SH3RF2: variants seen among roughly 807,000 people sequenced by gnomAD.
SH3RF2 encodes SH3 domain containing ring finger 2, also known as E3 ubiquitin-protein ligase SH3RF2.
A neutral mutation model predicts 59.0 loss-of-function variants in SH3RF2; 43 were observed. That is an observed-to-expected ratio of 0.73 (90% CI 0.57 to 0.94). The LOEUF (loss-of-function observed/expected upper bound fraction) is 0.94, where lower values mean the gene tolerates loss of function less well. Ranked by LOEUF, SH3RF2 falls within the 40% of genes least tolerant of loss-of-function variation. SH3RF2 has a pLI of 0.00. For synonymous variants in SH3RF2, 391 were observed against 391.5 expected, an observed-to-expected ratio of 1.00 and a Z score of 0.01; for missense variants, 930 against 940.1, an observed-to-expected ratio of 0.99 and a Z score of 0.14.
chr5:145,979,095 A>T (rs1171859066), intron 2 of SH3RF2, among the ~76,000 whole-genome samples: 1 of 152,200 alleles, frequency 6.6e-6, no homozygotes, highest in African/African-American at 2.4e-5. Flanking sequence ...CCTAAGTAAG[A>T]TTATGGCAAG....
downstream of SH3RF2, among the ~76,000 whole-genome samples, chr5:146,066,412 T>TA (rs1763107623): frequency 6.6e-6 from 1 of 152,184 alleles, no homozygotes; most frequent in Non-Finnish European, 1.5e-5. Context: ...AATGGGCTAT[T>TA]ATGAGGATTA....
At chr5:145,975,953 A>T (rs1413090560) in intron 2 of SH3RF2, among the ~76,000 whole-genome samples, 4 of 152,248 alleles carry the variant, frequency 2.6e-5, no homozygotes, top group Admixed American at 2.6e-4. Flanking sequence ...TACTTACAGT[A>T]GGCACTCAAT....
chr5:146,061,985 T>C (rs548585292), intron 9 of SH3RF2, among the ~76,000 whole-genome samples: 16 of 152,286 alleles, frequency 1.1e-4, no homozygotes, highest in African/African-American at 3.9e-4. Context: ...AAGGCCATTA[T>C]GGAAATCTCT....
At chr5:146,034,289 T>C (rs13157647) in intron 5 of SH3RF2, among the ~76,000 whole-genome samples, 50,370 of 152,140 alleles carry the variant, frequency 0.33, 8,851 homozygotes, top group Non-Finnish European at 0.39. Flanking sequence ...GTGTGGCTCA[T>C]GCAGTGATGG....
At chr5:145,993,886 G>T (rs758328112) in intron 2 of SH3RF2, among the ~76,000 whole-genome samples, 1 of 152,168 alleles carries the variant, frequency 6.6e-6, no homozygotes, top group Non-Finnish European at 1.5e-5. Context: ...AGCCTGCAGC[G>T]GGCTTCAATT....
chr5:145,968,115 C>CAG (rs1758936095), intron 2 of SH3RF2, among the ~76,000 whole-genome samples: 1 of 152,166 alleles, frequency 6.6e-6, no homozygotes, highest in South Asian at 2.1e-4. Flanking sequence ...TCAGATTCTC[C>CAG]AGAGGGTCCA....
At chr5:146,079,930 T>C (rs1049368167) in exon 10 of SH3RF2, 1 of 152,238 alleles carries the variant, frequency 6.6e-6, no homozygotes, top group Non-Finnish European at 1.5e-5. Flanking sequence ...GCCTTACAAT[T>C]GAGCAATAGG....
At chr5:145,992,305 T>C (rs1053962582) in intron 2 of SH3RF2, among the ~76,000 whole-genome samples, 3 of 151,816 alleles carry the variant, frequency 2.0e-5, no homozygotes, top group African/African-American at 7.3e-5. Context: ...ACCTGGGAGG[T>C]TGAGGCTACA....
At chr5:146,018,020 T>C (rs1341515383) in intron 5 of SH3RF2, among the ~76,000 whole-genome samples, 1 of 152,220 alleles carries the variant, frequency 6.6e-6, no homozygotes, top group East Asian at 1.9e-4. Context: ...AGAGTAGGTA[T>C]TGGTATGCTC....
intron 8 of SH3RF2, 168 bp downstream of exon 8, chr5:146,056,381 C>A: frequency 8.3e-7 from 1 of 1,197,854 alleles, no homozygotes; most frequent in Non-Finnish European, 1.1e-6. Flanking sequence ...TGAAGTCATA[C>A]CAACTCAAGG....
chr5:145,978,404 T>C (rs1032786970), intron 2 of SH3RF2, among the ~76,000 whole-genome samples: 1 of 152,194 alleles, frequency 6.6e-6, no homozygotes, highest in African/African-American at 2.4e-5. Flanking sequence ...CTAGCTTCTC[T>C]AGATTCCTTT....
At chr5:146,079,181 C>G (rs958267650) in exon 10 of SH3RF2, 4 of 152,090 alleles carry the variant, frequency 2.6e-5, no homozygotes, top group Non-Finnish European at 4.4e-5. Flanking sequence ...TACAAAGAGG[C>G]TATTTCAAGT....
At chr5:146,074,531 G>A (rs2150029478) in intron 9 of SH3RF2, among the ~76,000 whole-genome samples, 1 of 151,968 alleles carries the variant, frequency 6.6e-6, no homozygotes, top group East Asian at 1.9e-4. Context: ...CCCTGGCAGT[G>A]CTTTAAAGCA....
chr5:145,969,929 C>G (rs1455864455), intron 2 of SH3RF2, among the ~76,000 whole-genome samples: 7 of 151,970 alleles, frequency 4.6e-5, no homozygotes, highest in South Asian at 4.2e-4. Flanking sequence ...TACATTTTCC[C>G]TGGGCTCTGC....
intron 5 of SH3RF2, among the ~76,000 whole-genome samples, chr5:146,014,796 C>A (rs1761042513): frequency 6.6e-6 from 1 of 152,188 alleles, no homozygotes; most frequent in Admixed American, 6.5e-5. Flanking sequence ...AGTGTTGCCT[C>A]TTAATACTAT....
chr5:146,077,546 G>A (rs1357720902), intron 9 of SH3RF2, among the ~76,000 whole-genome samples: 1 of 152,090 alleles, frequency 6.6e-6, no homozygotes, highest in East Asian at 1.9e-4. Flanking sequence ...GTGTAAGTTG[G>A]AGACTAAATG....
At chr5:145,997,477 A>G in intron 2 of SH3RF2, 2 of 1,562,730 alleles carry the variant, frequency 1.3e-6, no homozygotes, top group Non-Finnish European at 1.8e-6. Flanking sequence ...GGGATAATGG[A>G]TACAGTACAA....
intron 9 of SH3RF2, among the ~76,000 whole-genome samples, chr5:146,072,410 C>G (rs1332160411): frequency 2.0e-5 from 3 of 152,192 alleles, no homozygotes; most frequent in Non-Finnish European, 4.4e-5. Flanking sequence ...TGGTGGCTCA[C>G]GCCTGTAATT....
intron 2 of SH3RF2, among the ~76,000 whole-genome samples, chr5:145,945,095 T>C (rs1269687274): frequency 6.6e-6 from 1 of 152,196 alleles, no homozygotes; most frequent in East Asian, 1.9e-4. Context: ...GATATTGATA[T>C]TGATTTTAAG....
Sources: gnomAD v4.1 joint callset for allele counts (sites outside exome capture counted in the v4.1 genomes callset) on GRCh38, gnomAD v4.1.1 for gene constraint, MANE v1.5 for transcripts, NCBI Gene and HGNC (gene_info 2026-07-23, HGNC 2026-07-21) for gene names.